EMID1: variants seen among roughly 807,000 people sequenced by gnomAD.
The protein encoded by EMID1 is EMI domain-containing protein 1.
In EMID1, 40 loss-of-function variants were observed where a neutral mutation model predicts 60.6. The observed-to-expected ratio is 0.66, with a 90% CI of 0.51 to 0.86. EMID1 has a LOEUF of 0.86. Ranked by LOEUF, EMID1 falls within the 40% of genes least tolerant of loss-of-function variation. EMID1 has a pLI of 0.00. For synonymous variants in EMID1, 242 were observed against 231.0 expected, an observed-to-expected ratio of 1.05 and a Z score of -0.43; for missense variants, 585 against 597.1, an observed-to-expected ratio of 0.98 and a Z score of 0.21.
intron 4 of EMID1, among the ~76,000 whole-genome samples, chr22:29,225,897 G>C (rs925110434): frequency 1.3e-5 from 2 of 152,200 alleles, no homozygotes; most frequent in Non-Finnish European, 2.9e-5. Flanking sequence ...TCTCAGCCAG[G>C]CGGCCGGGGG....
At chr22:29,227,958 C>G (rs1256543180) in intron 5 of EMID1, among the ~76,000 whole-genome samples, 2 of 151,916 alleles carry the variant, frequency 1.3e-5, no homozygotes, top group Non-Finnish European at 2.9e-5. Flanking sequence ...GAGTTCAAGA[C>G]CAGCCTGACC....
At chr22:29,215,781 T>A in intron 3 of EMID1, 151 bp downstream of exon 3, 1 of 666,262 alleles carries the variant, frequency 1.5e-6, no homozygotes, top group Non-Finnish European at 2.6e-6. Context: ...ACACAGTCAG[T>A]GCTTGTTGTC....
chr22:29,247,393 TG>T (rs1332549853), intron 13 of EMID1, among the ~76,000 whole-genome samples: 1 of 152,234 alleles, frequency 6.6e-6, no homozygotes, highest in African/African-American at 2.4e-5. Context: ...CTGGAAAATA[TG>T]CCATTAGGTG....
chr22:29,245,692 T>G (rs1393448429), intron 13 of EMID1, among the ~76,000 whole-genome samples: 2 of 152,208 alleles, frequency 1.3e-5, no homozygotes, highest in Non-Finnish European at 2.9e-5. Flanking sequence ...TGCAGATGCG[T>G]TCTGGCTGTG....
chr22:29,243,352 C>A, intron 12 of EMID1, 93 bp from the exon 13 acceptor site: 1 of 1,305,594 alleles, frequency 7.7e-7, no homozygotes, highest in Non-Finnish European at 1.1e-6. Context: ...AAGTTTCTCT[C>A]CCTTTCCCCG....
intron 3 of EMID1, among the ~76,000 whole-genome samples, chr22:29,220,591 G>T (rs1349130751): frequency 7.8e-6 from 1 of 128,826 alleles, no homozygotes; most frequent in Non-Finnish European, 1.7e-5. Context: ...GAACGAGGAA[G>T]CCCTTTGGCT....
intron 12 of EMID1, among the ~76,000 whole-genome samples, chr22:29,240,437 C>T (rs946465005): frequency 9.9e-5 from 15 of 152,060 alleles, no homozygotes; most frequent in Non-Finnish European, 5.9e-5. Flanking sequence ...AAGAACCCCT[C>T]GTGGCCTTTG....
chr22:29,225,978 C>T (rs1197843803), intron 4 of EMID1, among the ~76,000 whole-genome samples: 2 of 152,106 alleles, frequency 1.3e-5, no homozygotes, highest in South Asian at 2.1e-4. Context: ...GTCCAGACTG[C>T]GCTGGGTGGG....
chr22:29,223,418 C>CA (rs746459898), intron 3 of EMID1, among the ~76,000 whole-genome samples: 3 of 152,308 alleles, frequency 2.0e-5, no homozygotes, highest in East Asian at 1.9e-4. Flanking sequence ...GTCAACTTCT[C>CA]AAAAAGAGTA....
intron 1 of EMID1, among the ~76,000 whole-genome samples, chr22:29,212,847 G>A (rs2039942917): frequency 6.6e-6 from 1 of 152,210 alleles, no homozygotes; most frequent in African/African-American, 2.4e-5. Context: ...TTACAGGCAT[G>A]AGCCACTGTG....
chr22:29,209,252 C>T (rs1199688246), intron 1 of EMID1, among the ~76,000 whole-genome samples: 6 of 152,098 alleles, frequency 3.9e-5, no homozygotes, highest in Admixed American at 3.9e-4. Flanking sequence ...TGGGAGTGGC[C>T]GGTGCCAGGC....
chr22:29,249,630 T>A (rs1255492922), intron 13 of EMID1, among the ~76,000 whole-genome samples: 2 of 130,278 alleles, frequency 1.5e-5, no homozygotes, highest in African/African-American at 6.4e-5. Context: ...TTATTTATTT[T>A]TGAGATGGAG....
At chr22:29,231,924 G>C in intron 7 of EMID1, 1 of 566,466 alleles carries the variant, frequency 1.8e-6, no homozygotes. Context: ...CACTGGGTGG[G>C]GTCAGACATG....
At position 29,231,070 on chromosome 22, in the gene EMID1, C is replaced by A; in HGVS notation, c.516C>A (p.Thr172=). 1 of 1,614,026 alleles carries A rather than the reference C, an allele frequency of 6.2e-7. No homozygotes were observed. Among genetic ancestry groups the A allele is most frequent in the Non-Finnish European group, 8.5e-7 (1 of 1,179,954 alleles). The change falls in exon 6 of 15, where the codon ACC becomes ACA. Residue 172 remains threonine, a synonymous_variant. Transcript: ENST00000334018. The stretch of plus-strand genomic sequence containing the variant: ...AGCCAGTACCTCCAACACCAGCTAC[C>A]CCTGAGGACCCTGCCCCGCTCTGGG... ...IEQPVPPTPA[T]PEDPAPLWGP...
At position 29,225,204 on chromosome 22, in the gene EMID1, A is replaced by G. The variant is rs1332115189; in HGVS notation, c.391A>G (p.Thr131Ala). The G allele has an allele frequency of 4.3e-6, 7 of 1,613,636 alleles. No individual in the cohort carries two copies. The highest frequency in any genetic ancestry group is 5.1e-6 in the Non-Finnish European group (6 of 1,179,980). Reference protein sequence around the residue: ...STMRRMALRPTAFSGCLNCSK... With the variant: ...STMRRMALRPAAFSGCLNCSK... ...CATGCGGCGGATGGCGCTTCGGCCC[A>G]CAGCCTTCTCAGGTGGGTCCTGGGA... The change falls in exon 4 of 15, where the codon ACA becomes GCA. Residue 131 changes from threonine (T) to alanine (A), a missense_variant. By Grantham distance (58) the Thr-to-Ala change is moderately conservative. Coordinates refer to ENST00000334018, the MANE Select transcript of EMID1 (RefSeq NM_133455.4).
At chr22:29,255,362 G>A (rs2041666141) in intron 14 of EMID1, 12 of 1,480,690 alleles carry the variant, frequency 8.1e-6, no homozygotes, top group Admixed American at 2.2e-5. Context: ...ATCTGGCCAG[G>A]TAATGGCAGG....
chr22:29,242,712 T>C (rs1243348006), intron 12 of EMID1, among the ~76,000 whole-genome samples: 1 of 152,206 alleles, frequency 6.6e-6, no homozygotes. Context: ...GAGACTTAGT[T>C]GTAGGTTTTA....
intron 5 of EMID1, among the ~76,000 whole-genome samples, 171 bp downstream of exon 5, chr22:29,226,722 A>G (rs2040527063): frequency 6.6e-6 from 1 of 151,878 alleles, no homozygotes; most frequent in Admixed American, 6.5e-5. Context: ...CAGGCATGTC[A>G]TGGTCTCCTC....
At chr22:29,221,053 C>G (rs577946016) in intron 3 of EMID1, among the ~76,000 whole-genome samples, 75 of 113,036 alleles carry the variant, frequency 6.6e-4, no homozygotes, top group African/African-American at 2.4e-3. Flanking sequence ...TAGGGGAGGG[C>G]ATGGGGTGGG....
Sources: allele counts gnomAD v4.1 joint callset (sites outside exome capture counted in the v4.1 genomes callset), GRCh38; gene constraint gnomAD v4.1.1; transcripts MANE v1.5; gene names NCBI Gene and HGNC (gene_info 2026-07-23, HGNC 2026-07-21).